The following HS3ST5 variants were observed in gnomAD, a reference collection of about 807,000 sequenced individuals.
HS3ST5 encodes the protein heparan sulfate glucosamine 3-O-sulfotransferase 5.
A neutral mutation model predicts 25.4 loss-of-function variants in HS3ST5; 10 were observed. The ratio of observed to expected loss-of-function variants is 0.39; its 90% CI spans 0.24 to 0.67. HS3ST5 has a LOEUF of 0.67. Ranked by LOEUF, HS3ST5 falls within the 30% of genes least tolerant of loss-of-function variation. The pLI is 0.44. For missense variants in HS3ST5, 324 were observed against 420.7 expected, an observed-to-expected ratio of 0.77 and a Z score of 2.01; for synonymous variants, 170 against 162.4, an observed-to-expected ratio of 1.05 and a Z score of -0.36.
chr6:114,246,278 C>G (rs1374372830), intron 1 of HS3ST5, among the ~76,000 whole-genome samples: 1 of 152,164 alleles, frequency 6.6e-6, no homozygotes, highest in African/African-American at 2.4e-5. Context: ...ACCAAATTAC[C>G]CAGGGAAATT....
At chr6:114,175,737 C>T (rs545690074) in intron 2 of HS3ST5, among the ~76,000 whole-genome samples, 6 of 152,224 alleles carry the variant, frequency 3.9e-5, no homozygotes, top group East Asian at 1.9e-4. Flanking sequence ...AAAAATATGA[C>T]GAGCTTACAG....
chr6:114,179,044 G>T (rs1389433532), intron 2 of HS3ST5: 2 of 152,154 alleles, frequency 1.3e-5, no homozygotes, highest in African/African-American at 4.8e-5. Context: ...CCCAGTCAAG[G>T]ACTGTATGAG....
chr6:114,182,276 C>T (rs575692364), intron 2 of HS3ST5, among the ~76,000 whole-genome samples: 1 of 152,174 alleles, frequency 6.6e-6, no homozygotes, highest in Non-Finnish European at 1.5e-5. Flanking sequence ...ACGGAATACT[C>T]AAGTAGAAAA....
intron 1 of HS3ST5, among the ~76,000 whole-genome samples, chr6:114,301,911 T>C (rs1189784179): frequency 1.3e-5 from 2 of 152,070 alleles, no homozygotes; most frequent in African/African-American, 2.4e-5. Context: ...GAAGAAAAAA[T>C]AGCCTCATGA....
chr6:114,187,524 T>C (rs946062486), intron 2 of HS3ST5, among the ~76,000 whole-genome samples: 1 of 152,286 alleles, frequency 6.6e-6, no homozygotes, highest in East Asian at 1.9e-4. Flanking sequence ...AATTTCATGA[T>C]CAAACTTGAA....
At chr6:114,325,043 C>T (rs1423396296) in intron 1 of HS3ST5, among the ~76,000 whole-genome samples, 3 of 152,108 alleles carry the variant, frequency 2.0e-5, no homozygotes, top group African/African-American at 7.2e-5. Context: ...CTAAAAAATC[C>T]TTAGGATTGG....
intron 1 of HS3ST5, among the ~76,000 whole-genome samples, chr6:114,237,964 AC>A (rs1771935261): frequency 6.6e-6 from 1 of 152,256 alleles, no homozygotes; most frequent in Non-Finnish European, 1.5e-5. Context: ...ATATTTAATT[AC>A]AATGTTATTA....
At chr6:114,227,610 CAT>C (rs1439988224) in intron 2 of HS3ST5, among the ~76,000 whole-genome samples, 1 of 151,924 alleles carries the variant, frequency 6.6e-6, no homozygotes, top group Non-Finnish European at 1.5e-5. Flanking sequence ...AAATGTATCA[CAT>C]GATTTATAAG....
At chr6:114,331,095 A>G (rs182001519) in intron 1 of HS3ST5, among the ~76,000 whole-genome samples, 1 of 152,324 alleles carries the variant, frequency 6.6e-6, no homozygotes, top group Admixed American at 6.5e-5. Context: ...GTATGTAGGG[A>G]ACTACCTGTA....
chr6:114,129,036 T>G (rs1777196752), intron 3 of HS3ST5, among the ~76,000 whole-genome samples: 1 of 152,192 alleles, frequency 6.6e-6, no homozygotes, highest in African/African-American at 2.4e-5. Context: ...TTATCATACA[T>G]TTATTAAACA....
chr6:114,257,196 T>C (rs1464812967), intron 1 of HS3ST5, among the ~76,000 whole-genome samples: 3 of 152,172 alleles, frequency 2.0e-5, no homozygotes, highest in Non-Finnish European at 2.9e-5. Context: ...ACTGCCAAAG[T>C]ATATCAGCAG....
intron 2 of HS3ST5, among the ~76,000 whole-genome samples, chr6:114,196,540 T>C (rs953886579): frequency 6.6e-6 from 1 of 152,000 alleles, no homozygotes; most frequent in African/African-American, 2.4e-5. Context: ...GCCCAAATTC[T>C]AATGACAAAA....
chr6:114,187,457 A>C (rs1780281781), intron 2 of HS3ST5, among the ~76,000 whole-genome samples: 1 of 152,218 alleles, frequency 6.6e-6, no homozygotes, highest in Non-Finnish European at 1.5e-5. Context: ...TTATGGTGGA[A>C]ATTAGCAGAA....
chr6:114,144,964 A>G (rs1241294033), intron 3 of HS3ST5, among the ~76,000 whole-genome samples: 3 of 152,166 alleles, frequency 2.0e-5, no homozygotes, highest in African/African-American at 7.2e-5. Flanking sequence ...GTAGTGACAT[A>G]CCTGTGTCTG....
intron 3 of HS3ST5, among the ~76,000 whole-genome samples, chr6:114,112,099 A>G (rs1005412375): frequency 6.6e-6 from 1 of 152,164 alleles, no homozygotes; most frequent in Non-Finnish European, 1.5e-5. Flanking sequence ...AACCTCAACC[A>G]TGGTGAGCTG....
At chr6:114,204,744 C>G (rs948304028) in intron 2 of HS3ST5, among the ~76,000 whole-genome samples, 7 of 151,928 alleles carry the variant, frequency 4.6e-5, no homozygotes, top group African/African-American at 1.7e-4. Flanking sequence ...TTTTTTGTAA[C>G]TTGCCTTTAT....
chr6:114,128,139 A>G (rs1459700675), intron 3 of HS3ST5, among the ~76,000 whole-genome samples: 2 of 151,940 alleles, frequency 1.3e-5, no homozygotes, highest in Admixed American at 6.6e-5. Flanking sequence ...GTTTTAAAGA[A>G]CTCCTCCAGA....
At position 114,234,696 on chromosome 6, in the gene HS3ST5, A is replaced by G. The variant is rs188648381; in HGVS notation, c.-338-5918T>C. ...CATGCTTCTTTTCTGTACTTGGGGG[A>G]AAAAGCAAATTTTCATGTGTAGGAT... On this transcript the variant is annotated intron_variant, in intron 1 of 4. Coordinates refer to ENST00000312719, the MANE Select transcript of HS3ST5 (RefSeq NM_153612.4). Among the ~76,000 whole-genome samples the G allele has an allele frequency of 2.2e-4, 33 of 152,254 alleles. No individual in the cohort carries two copies. In the East Asian group the frequency reaches 5.6e-3, roughly 26 times the overall value.
chr6:114,153,853 A>G (rs1778573229), intron 3 of HS3ST5, among the ~76,000 whole-genome samples: 1 of 152,206 alleles, frequency 6.6e-6, no homozygotes, highest in Non-Finnish European at 1.5e-5. Flanking sequence ...CCCATTTTGC[A>G]GATGAGGAAA....
Sources: gnomAD v4.1 joint callset for allele counts (sites outside exome capture counted in the v4.1 genomes callset) on GRCh38, gnomAD v4.1.1 for gene constraint, MANE v1.5 for transcripts, NCBI Gene and HGNC (gene_info 2026-07-23, HGNC 2026-07-21) for gene names.